The following RUFY3 variants were observed in gnomAD, a reference collection of about 807,000 sequenced individuals.
The protein encoded by RUFY3 is protein RUFY3.
Under a neutral mutation model 84.0 loss-of-function variants are expected in RUFY3, and 34 were observed. The ratio of observed to expected loss-of-function variants is 0.40; its 90% CI spans 0.31 to 0.54. The LOEUF is 0.54. Ranked by LOEUF, RUFY3 falls within the 20% of genes least tolerant of loss-of-function variation. The pLI, the probability that RUFY3 is intolerant of heterozygous loss-of-function variation, is 0.39. For missense variants in RUFY3, 507 were observed against 736.8 expected (o/e 0.69, Z 3.61); for synonymous variants, 242 against 252.9 (o/e 0.96, Z 0.41).
intron 12 of RUFY3, chr4:70,793,168 T>A: frequency 1.0e-6 from 1 of 986,054 alleles, no homozygotes; most frequent in Non-Finnish European, 1.2e-6. Flanking sequence ...TTTGTCCACT[T>A]AGTCACACAT....
chr4:70,800,987 C>T (rs970467883), intron 15 of RUFY3, among the ~76,000 whole-genome samples: 7 of 152,106 alleles, frequency 4.6e-5, no homozygotes, highest in African/African-American at 1.4e-4. Context: ...ATTCCTTTAT[C>T]CTAACTCTGT....
At chr4:70,721,658 TG>T (rs1742316409), upstream of RUFY3, among the ~76,000 whole-genome samples, 1 of 152,162 alleles carries the variant, frequency 6.6e-6, no homozygotes, top group South Asian at 2.1e-4. Context: ...ATGAAAGAGG[TG>T]AATTATATGC....
Position 70,788,980 on chromosome 4 carries a change from G to C in RUFY3, c.1239+7G>C. 6.2e-7 allele frequency: 1 copy of C among 1,613,560 alleles called. No individual in the cohort carries two copies. Among genetic ancestry groups the C allele is most frequent in the South Asian group, 1.1e-5 (1 of 90,988 alleles). On this transcript the variant is annotated splice_region_variant and intron_variant, in intron 11 of 17. Coordinates refer to ENST00000381006, the MANE Select transcript of RUFY3 (RefSeq NM_001037442.4). ...ACTTGCCTTTAAGCTGCAGGTAGGG[G>C]AAATATGAGGAATAGACTCACTGGC...
chr4:70,800,249 G>A, intron 15 of RUFY3, 44 bp downstream of exon 15: 6 of 1,521,028 alleles, frequency 3.9e-6, no homozygotes, highest in Non-Finnish European at 5.4e-6. Flanking sequence ...AGTTATTCTG[G>A]GGTGGTGGGA....
intron 1 of RUFY3, among the ~76,000 whole-genome samples, chr4:70,725,480 G>A (rs1417760491): frequency 3.3e-5 from 5 of 151,904 alleles, no homozygotes; most frequent in South Asian, 2.1e-4. Flanking sequence ...ACAGGCATGC[G>A]CCACCACACC....
At chr4:70,728,012 T>C (rs1177008595) in intron 1 of RUFY3, among the ~76,000 whole-genome samples, 1 of 152,112 alleles carries the variant, frequency 6.6e-6, no homozygotes, top group African/African-American at 2.4e-5. Flanking sequence ...TTAAAGAGGA[T>C]TTTTAAAGAA....
intron 12 of RUFY3, chr4:70,793,548 T>C (rs973661671): frequency 1.5e-6 from 2 of 1,378,966 alleles, no homozygotes; most frequent in Non-Finnish European, 1.9e-6. Flanking sequence ...ATAAAAAAAA[T>C]GGAAAATCAG....
In RUFY3 at chr4:70,778,353, C is replaced by T. The variant is rs1173194636; in HGVS notation, c.825-16C>T. Reference sequence around the variant, plus strand: ...TGTTTTTCAAAAGTGACTTTTTTTTCTTCTCTATATTATAGTGCTACTGTA... The same window carrying T: ...TGTTTTTCAAAAGTGACTTTTTTTTTTTCTCTATATTATAGTGCTACTGTA... On this transcript the variant is annotated splice_polypyrimidine_tract_variant and intron_variant, in intron 7 of 17. Transcript: ENST00000381006. The T allele has an allele frequency of 7.5e-6, 11 of 1,474,344 alleles. No homozygotes were observed. The highest frequency in any genetic ancestry group is 4.2e-5 in the African/African-American group (3 of 70,896). The allele number at this position is 1,474,344 out of a possible 1,614,324, so 91.3% of individuals were successfully genotyped here.
chr4:70,775,261 A>G, intron 7 of RUFY3, 28 bp downstream of exon 7: 1 of 1,417,732 alleles, frequency 7.1e-7, no homozygotes, highest in Non-Finnish European at 9.8e-7. Context: ...ATATTACTTT[A>G]CTGGGGAATT....
At chr4:70,743,182 G>T (rs190411368) in intron 1 of RUFY3, among the ~76,000 whole-genome samples, 28 of 152,172 alleles carry the variant, frequency 1.8e-4, no homozygotes, top group African/African-American at 6.3e-4. Flanking sequence ...CAATTCTCCT[G>T]CCTCAGCTTC....
At chr4:70,773,757 T>C (rs372738179) in intron 6 of RUFY3, among the ~76,000 whole-genome samples, 185 bp downstream of exon 6, 11 of 152,240 alleles carry the variant, frequency 7.2e-5, no homozygotes, top group African/African-American at 1.9e-4. Flanking sequence ...CCTAAAAGGA[T>C]TTTTTTGTTT....
In RUFY3 at chr4:70,806,603, G is replaced by C. The variant is rs1732880639; in HGVS notation, c.1807G>C (p.Val603Leu). 2.5e-6 allele frequency: 4 copies of C among 1,614,032 alleles called. No individual in the cohort carries two copies. The highest frequency in any genetic ancestry group is 1.7e-5 in the Admixed American group (1 of 59,996). The change falls in exon 18 of 18, where the codon GTT becomes CTT. Residue 603 changes from valine (V) to leucine (L), a missense_variant. By Grantham distance (32) the Val-to-Leu change is conservative (BLOSUM62 1). This residue lies in a region of RUFY3 where 334 missense variants were observed against 364.1 expected (regional missense o/e 0.92). Coordinates refer to ENST00000381006, the MANE Select transcript of RUFY3 (RefSeq NM_001037442.4). Reference sequence around the variant, plus strand: ...TCCTTCAAGTATCAAGCTTGAGCGAGTTTGCAATCCCTGTCACAAGCATCT... The same window carrying C: ...TCCTTCAAGTATCAAGCTTGAGCGACTTTGCAATCCCTGTCACAAGCATCT... ...PLPSSIKLER[V>L]CNPCHKHLMK...
chr4:70,803,345 C>A (rs1356818543), intron 16 of RUFY3, among the ~76,000 whole-genome samples: 1 of 152,028 alleles, frequency 6.6e-6, no homozygotes, highest in Non-Finnish European at 1.5e-5. Context: ...CTTTGTTAAT[C>A]TAATAGTATA....
chr4:70,742,407 T>C (rs1721460318), intron 1 of RUFY3, among the ~76,000 whole-genome samples: 1 of 152,140 alleles, frequency 6.6e-6, no homozygotes, highest in Non-Finnish European at 1.5e-5. Context: ...CACACACACA[T>C]CCACCACTCT....
At chr4:70,748,191 A>G (rs553031223) in intron 1 of RUFY3, among the ~76,000 whole-genome samples, 1 of 152,286 alleles carries the variant, frequency 6.6e-6, no homozygotes, top group South Asian at 2.1e-4. Flanking sequence ...AGTGGTTCCC[A>G]TTGCTTCCTC....
At chr4:70,732,716 A>G (rs1719482597) in intron 1 of RUFY3, among the ~76,000 whole-genome samples, 1 of 148,158 alleles carries the variant, frequency 6.7e-6, no homozygotes, top group Admixed American at 6.7e-5. Context: ...ATGAGAACAC[A>G]TGGATACAGG....
Position 70,733,794 on chromosome 4 carries a change from A to G in RUFY3, c.178+11043A>G, listed in dbSNP as rs190177057. Among the ~76,000 whole-genome samples, 612 of 152,316 alleles carry G rather than the reference A, an allele frequency of 4.0e-3. 4 individuals carry two copies. The highest frequency in any genetic ancestry group is 7.4e-3 in the Non-Finnish European group (505 of 68,032). On this transcript the variant is annotated intron_variant, in intron 1 of 17. Transcript: ENST00000381006. ...AAGGAAATGTATCAAAAATATAAAA[A>G]TTGATTATCTCTGGATAGTGGAATT...
At chr4:70,777,471 T>C (rs1026230727) in intron 7 of RUFY3, among the ~76,000 whole-genome samples, 5 of 152,232 alleles carry the variant, frequency 3.3e-5, no homozygotes, top group Admixed American at 2.0e-4. Context: ...GTAAAACTTA[T>C]AATATGATTA....
chr4:70,754,774 A>G (rs1723714106), intron 1 of RUFY3, among the ~76,000 whole-genome samples: 2 of 152,250 alleles, frequency 1.3e-5, no homozygotes, highest in South Asian at 4.1e-4. Context: ...TCTAAGAACA[A>G]TTATTGCAAA....
Sources: gnomAD v4.1 joint callset for allele counts (sites outside exome capture counted in the v4.1 genomes callset) on GRCh38, gnomAD v4.1.1 for gene constraint, gnomAD v4.1.1 regional missense constraint, MANE v1.5 for transcripts, NCBI Gene and HGNC (gene_info 2026-07-23, HGNC 2026-07-21) for gene names.